Variants in RSRC1 observed in about 807,000 individuals in gnomAD.
RSRC1 encodes arginine and serine rich coiled-coil 1.
A neutral mutation model predicts 49.1 loss-of-function variants in RSRC1; 39 were observed. The observed-to-expected ratio is 0.79, with a 90% CI of 0.61 to 1.04. The LOEUF is 1.04. Among genes scored for constraint, RSRC1 ranks in the 50% least tolerant of loss-of-function variants. The pLI, the probability that RSRC1 is intolerant of heterozygous loss-of-function variation, is 0.00. For missense variants in RSRC1, 388 were observed against 402.4 expected (o/e 0.96, Z 0.31); for synonymous variants, 143 against 130.8 (o/e 1.09, Z -0.63).
chr3:158,116,181 A>T (rs760614583), intron 1 of RSRC1, among the ~76,000 whole-genome samples: 1 of 152,172 alleles, frequency 6.6e-6, no homozygotes, highest in Non-Finnish European at 1.5e-5. Flanking sequence ...CTAAAATTCA[A>T]ATTTTTGCTT....
rs560137032 is a variant in RSRC1, at chr3:158,182,787, C to T, written c.321-20285C>T. Among the ~76,000 whole-genome samples the T allele has an allele frequency of 2.6e-5, 4 of 152,182 alleles. No homozygotes were observed. The South Asian group carries it at 8.3e-4, about 32-fold the overall frequency. On this transcript the variant is annotated intron_variant, in intron 3 of 9. Transcript: ENST00000611884. ...ACTATTCTTCTCTCAAGGGTAGATT[C>T]CAACTTTTATTTCTCATGTGTAGCA...
chr3:158,503,755 G>C (rs947808847), intron 7 of RSRC1, among the ~76,000 whole-genome samples: 3 of 152,072 alleles, frequency 2.0e-5, no homozygotes, highest in Admixed American at 6.5e-5. Context: ...ACAGCCCTGA[G>C]TCTGTTTCCA....
At position 158,159,069 on chromosome 3, in the gene RSRC1, T is replaced by C. The variant is rs552639411; in HGVS notation, c.320+35078T>C. On this transcript the variant is annotated intron_variant, in intron 3 of 9. Transcript: ENST00000611884. ...AGAATGTTGAGTATAGAGGAGTAAC[T>C]GCCCAGAGACCCTCTCTTGTCCAGT... Among the ~76,000 whole-genome samples the C allele has an allele frequency of 5.3e-4, 80 of 152,306 alleles. No homozygotes were observed. In the South Asian group the frequency reaches 0.016, roughly 31 times the overall value.
chr3:158,399,652 A>C (rs1733799461), intron 6 of RSRC1, among the ~76,000 whole-genome samples: 1 of 152,142 alleles, frequency 6.6e-6, no homozygotes, highest in South Asian at 2.1e-4. Context: ...GTGTTCAGTA[A>C]CTACATTTGG....
chr3:158,369,151 C>A (rs1480255246), intron 6 of RSRC1, among the ~76,000 whole-genome samples: 7 of 152,046 alleles, frequency 4.6e-5, no homozygotes, highest in Non-Finnish European at 1.0e-4. Context: ...TATACATTTT[C>A]ACATATTTTA....
At chr3:158,517,020 C>T (rs2363656) in intron 7 of RSRC1, among the ~76,000 whole-genome samples, 31,081 of 152,154 alleles carry the variant, frequency 0.2, 3,707 homozygotes, top group South Asian at 0.29. Context: ...GAGATGAACC[C>T]GGTACCTCAG....
chr3:158,135,677 T>C (rs990799407), intron 3 of RSRC1, among the ~76,000 whole-genome samples: 3 of 152,118 alleles, frequency 2.0e-5, no homozygotes, highest in Non-Finnish European at 2.9e-5. Context: ...GCAAATCTGA[T>C]AGGACCTCCT....
At chr3:158,473,726 A>C (rs1322062191) in intron 7 of RSRC1, among the ~76,000 whole-genome samples, 1 of 152,144 alleles carries the variant, frequency 6.6e-6, no homozygotes, top group Non-Finnish European at 1.5e-5. Context: ...TGAAGATAGT[A>C]AATTACTTCA....
At chr3:158,522,381 A>T (rs140596585) in intron 7 of RSRC1, among the ~76,000 whole-genome samples, 27 of 152,124 alleles carry the variant, frequency 1.8e-4, no homozygotes, top group African/African-American at 6.0e-4. Context: ...ATCACGGCTC[A>T]CTGCAGCCTT....
intron 7 of RSRC1, among the ~76,000 whole-genome samples, chr3:158,513,834 G>C (rs1740335558): frequency 1.3e-5 from 2 of 152,036 alleles, no homozygotes; most frequent in Admixed American, 6.5e-5. Context: ...ACTTCTTCCT[G>C]GTTTACTCTT....
intron 3 of RSRC1, among the ~76,000 whole-genome samples, chr3:158,184,899 CTT>C (rs930816332): frequency 6.6e-6 from 1 of 151,740 alleles, no homozygotes; most frequent in African/African-American, 2.4e-5. Context: ...ATATGAAAAA[CTT>C]TTAATTATTT....
At chr3:158,516,507 A>G (rs1414282744) in intron 7 of RSRC1, among the ~76,000 whole-genome samples, 3 of 152,198 alleles carry the variant, frequency 2.0e-5, no homozygotes, top group Non-Finnish European at 4.4e-5. Flanking sequence ...CAAAGCTGTC[A>G]GACAGGGACA....
intron 6 of RSRC1, among the ~76,000 whole-genome samples, chr3:158,373,021 C>A (rs1454373457): frequency 6.6e-6 from 1 of 151,752 alleles, no homozygotes; most frequent in East Asian, 1.9e-4. Context: ...GAAATACAGT[C>A]CTATTTTGAA....
intron 7 of RSRC1, 21 bp from the exon 8 acceptor site, chr3:158,537,071 A>G (rs1218420033): frequency 6.6e-7 from 1 of 1,525,698 alleles, no homozygotes; most frequent in Admixed American, 1.7e-5. Flanking sequence ...AAATACGCTG[A>G]CATTATACCC....
intron 5 of RSRC1, chr3:158,303,228 G>C (rs1727661848): frequency 6.6e-6 from 1 of 152,184 alleles, no homozygotes; most frequent in Non-Finnish European, 1.5e-5. Flanking sequence ...ATTTAGATCA[G>C]AAAATATTAA....
At chr3:158,162,193 C>A (rs1383720535) in intron 3 of RSRC1, among the ~76,000 whole-genome samples, 3 of 152,062 alleles carry the variant, frequency 2.0e-5, no homozygotes, top group African/African-American at 7.2e-5. Context: ...TGGGTGGCTT[C>A]TCAAAATACT....
chr3:158,453,581 C>T (rs1255692834), intron 6 of RSRC1, among the ~76,000 whole-genome samples: 1 of 151,936 alleles, frequency 6.6e-6, no homozygotes, highest in Non-Finnish European at 1.5e-5. Flanking sequence ...CAGGGTCTCA[C>T]CATGTTGTCC....
intron 4 of RSRC1, among the ~76,000 whole-genome samples, chr3:158,217,111 C>G (rs1270594114): frequency 6.6e-6 from 1 of 151,482 alleles, no homozygotes; most frequent in African/African-American, 2.4e-5. Flanking sequence ...TGCTCCCCAC[C>G]AAGAGGAGAA....
At chr3:158,521,026 A>G (rs1220813186) in intron 7 of RSRC1, among the ~76,000 whole-genome samples, 1 of 152,116 alleles carries the variant, frequency 6.6e-6, no homozygotes, top group Non-Finnish European at 1.5e-5. Flanking sequence ...AGATTTCTCC[A>G]TCTGTATGGA....
Sources: allele counts gnomAD v4.1 joint callset (sites outside exome capture counted in the v4.1 genomes callset), GRCh38; gene constraint gnomAD v4.1.1; transcripts MANE v1.5; gene names NCBI Gene and HGNC (gene_info 2026-07-23, HGNC 2026-07-21).